RDH12: variants seen among roughly 807,000 people sequenced by gnomAD.
The protein encoded by RDH12 is all-trans and 9-cis retinol dehydrogenase.
A neutral mutation model predicts 34.0 loss-of-function variants in RDH12; 21 were observed. That is an observed-to-expected ratio of 0.62 (90% confidence interval 0.44 to 0.89). RDH12 has a LOEUF of 0.89. Among genes scored for constraint, RDH12 ranks in the 40% least tolerant of loss-of-function variants. The pLI, the probability that RDH12 is intolerant of heterozygous loss-of-function variation, is 0.00. For missense variants in RDH12, 394 were observed against 398.6 expected (o/e 0.99, Z 0.10); for synonymous variants, 198 against 169.9 (o/e 1.17, Z -1.29).
intron 1 of RDH12, among the ~76,000 whole-genome samples, chr14:67,708,629 G>C (rs2037976351): frequency 6.6e-6 from 1 of 151,960 alleles, no homozygotes. Context: ...CAAAATTACA[G>C]GAGTTTCCCA....
chr14:67,730,186 A>T (rs1420313748), intron 8 of RDH12, among the ~76,000 whole-genome samples: 2 of 152,200 alleles, frequency 1.3e-5, no homozygotes, highest in Non-Finnish European at 2.9e-5. Context: ...TTTCACATGA[A>T]ACTGAGGCGC....
Position 67,726,996 on chromosome 14 carries a change from C to A in RDH12, c.464C>A (p.Thr155Asn). The A allele has an allele frequency of 1.2e-6, 2 of 1,612,780 alleles. No individual in the cohort carries two copies. Among genetic ancestry groups the A allele is most frequent in the Non-Finnish European group, 1.7e-6 (2 of 1,180,010 alleles). ...GVNHLGHFLLTYLLLERLKVS... is the reference protein window; with the variant it reads ...GVNHLGHFLLNYLLLERLKVS... The stretch of plus-strand genomic sequence containing the variant: ...CTCCTCACAGGCCACTTCCTCCTCA[C>A]CTACCTGCTCCTGGAGCGGCTAAAG... Residue 155 changes from threonine to asparagine, a missense_variant, in exon 7 of 9, where the codon ACC becomes AAC. Thr to Asn is a moderately conservative substitution (Grantham distance 65). Coordinates refer to ENST00000551171, the MANE Select transcript of RDH12 (RefSeq NM_152443.3).
intron 1 of RDH12, chr14:67,717,908 T>C (rs975795271): frequency 6.6e-6 from 1 of 152,182 alleles, no homozygotes; most frequent in African/African-American, 2.4e-5. Flanking sequence ...TATTTTTTTT[T>C]AAATGTCAAT....
intron 3 of RDH12, 115 bp from the exon 4 acceptor site, chr14:67,724,358 A>G: frequency 1.2e-6 from 1 of 822,226 alleles, no homozygotes; most frequent in Non-Finnish European, 2.1e-6. Flanking sequence ...TCCTGACTGC[A>G]ACTTAAAGAT....
At chr14:67,724,691 G>T in intron 4 of RDH12, 100 bp downstream of exon 4, 1 of 931,582 alleles carries the variant, frequency 1.1e-6, no homozygotes. Flanking sequence ...CTAGGCTTGG[G>T]GGCTCTGACT....
At chr14:67,709,642 A>T (rs1050097883) in intron 1 of RDH12, among the ~76,000 whole-genome samples, 2 of 152,150 alleles carry the variant, frequency 1.3e-5, no homozygotes, top group Non-Finnish European at 2.9e-5. Context: ...GAGGAGTTTA[A>T]TAGCTTTAAT....
At position 67,734,381 on chromosome 14, in the gene RDH12, A is replaced by G. The variant is rs1162799449; in HGVS notation, c.*533A>G. 6.4e-6 allele frequency: 1 copy of G among 155,656 alleles called. No individual in the cohort carries two copies. Among genetic ancestry groups the G allele is most frequent in the Admixed American group, 6.2e-5 (1 of 16,072 alleles). 9.6% of individuals were successfully genotyped at this position (155,656 alleles called of 1,614,324 possible). On this transcript the variant is annotated 3_prime_UTR_variant, in exon 9 of 9. Coordinates refer to ENST00000551171, the MANE Select transcript of RDH12 (RefSeq NM_152443.3). ...GGACCTTCCCATTTCAATCATGCAG[A>G]TGGTTTCTTTTTGTAAAGAGTTCCG...
intron 1 of RDH12, among the ~76,000 whole-genome samples, chr14:67,710,931 C>T (rs1380903339): frequency 6.6e-6 from 1 of 152,130 alleles, no homozygotes; most frequent in African/African-American, 2.4e-5. Context: ...TGATAGTCAT[C>T]ATTTAAAATT....
intron 1 of RDH12, among the ~76,000 whole-genome samples, chr14:67,706,630 G>C (rs571796439): frequency 6.6e-6 from 1 of 152,318 alleles, no homozygotes; most frequent in African/African-American, 2.4e-5. Context: ...AATCAGATAC[G>C]CATTTATCTT....
intron 1 of RDH12, among the ~76,000 whole-genome samples, chr14:67,718,736 G>A (rs1388315599): frequency 6.6e-6 from 1 of 152,152 alleles, no homozygotes; most frequent in Non-Finnish European, 1.5e-5. Context: ...TCCCTAAAGA[G>A]CAGGTATCCT....
At chr14:67,722,791 A>G in intron 3 of RDH12, 81 bp downstream of exon 3, 1 of 1,178,966 alleles carries the variant, frequency 8.5e-7, no homozygotes, top group Non-Finnish European at 1.3e-6. Flanking sequence ...GAAAGAAGAG[A>G]AAGGGAAGGA....
intron 1 of RDH12, among the ~76,000 whole-genome samples, chr14:67,720,202 C>A (rs190490752): frequency 1.3e-5 from 2 of 152,108 alleles, no homozygotes; most frequent in Non-Finnish European, 2.9e-5. Context: ...CTTGTATTTC[C>A]TTTTTTGTAA....
chr14:67,716,547 T>C (rs1445814549), intron 1 of RDH12, among the ~76,000 whole-genome samples: 3 of 152,248 alleles, frequency 2.0e-5, no homozygotes, highest in African/African-American at 4.8e-5. Flanking sequence ...TGTACTTCCA[T>C]TGCATTTTAA....
At chr14:67,717,929 G>A (rs983417253) in intron 1 of RDH12, 9 of 152,164 alleles carry the variant, frequency 5.9e-5, no homozygotes, top group Admixed American at 2.0e-4. Flanking sequence ...AGTGCCTGCT[G>A]TGAATTAAGA....
At position 67,729,302 on chromosome 14, in the gene RDH12, C is replaced by T. The variant is rs777133046; in HGVS notation, c.770C>T (p.Thr257Met). The T allele has an allele frequency of 1.2e-6, 2 of 1,602,472 alleles. No individual in the cohort carries two copies. The highest frequency in any genetic ancestry group is 1.1e-5 in the South Asian group (1 of 91,002). Reference sequence around the variant, plus strand: ...CGGCTCTTCTCCCCCTTTGTCAAGACGGCACGGGAGGGGGCGCAGACCAGC... The same window carrying T: ...CGGCTCTTCTCCCCCTTTGTCAAGATGGCACGGGAGGGGGCGCAGACCAGC... ...LWRLFSPFVK[T>M]AREGAQTSLH... Residue 257 changes from threonine to methionine, a missense_variant, in exon 8 of 9, where the codon ACG (threonine) becomes ATG (methionine). Transcript: ENST00000551171.
intron 8 of RDH12, among the ~76,000 whole-genome samples, chr14:67,733,040 G>T (rs967576258): frequency 6.6e-6 from 1 of 152,048 alleles, no homozygotes; most frequent in East Asian, 1.9e-4. Flanking sequence ...GTTCATGGGT[G>T]CAGCACACCA....
At chr14:67,729,452 T>A in intron 8 of RDH12, 72 bp downstream of exon 8, 1 of 1,467,482 alleles carries the variant, frequency 6.8e-7, no homozygotes, top group Non-Finnish European at 9.4e-7. Context: ...GGGCTGTTCA[T>A]CCTGAGAAGC....
chr14:67,715,866 T>C (rs2038062537), intron 1 of RDH12, among the ~76,000 whole-genome samples: 1 of 152,172 alleles, frequency 6.6e-6, no homozygotes, highest in African/African-American at 2.4e-5. Context: ...AACACAAATG[T>C]AGAGCTTATT....
intron 7 of RDH12, 148 bp downstream of exon 7, chr14:67,727,338 CAG>C: frequency 6.8e-6 from 5 of 731,652 alleles, no homozygotes; most frequent in Non-Finnish European, 1.2e-5. Context: ...GGAATAAAAA[CAG>C]AGTGCTTGCC....
Sources: allele counts gnomAD v4.1 joint callset (sites outside exome capture counted in the v4.1 genomes callset), GRCh38; gene constraint gnomAD v4.1.1; transcripts MANE v1.5; gene names NCBI Gene and HGNC (gene_info 2026-07-23, HGNC 2026-07-21).